Variants in PCDHA5 observed in about 807,000 individuals in gnomAD.
PCDHA5 encodes protocadherin alpha 5, also known as protocadherin alpha-5.
In PCDHA5, 43 loss-of-function variants were observed where a neutral mutation model predicts 61.6. The ratio of observed to expected loss-of-function variants is 0.70; its 90% CI spans 0.55 to 0.90. The LOEUF (loss-of-function observed/expected upper bound fraction) is 0.90, where lower values mean the gene tolerates loss of function less well. Ranked by LOEUF, PCDHA5 falls within the 40% of genes least tolerant of loss-of-function variation. PCDHA5 has a pLI of 0.00. For missense variants in PCDHA5, 1,298 were observed against 1,222.7 expected, an observed-to-expected ratio of 1.06 and a Z score of -0.92; for synonymous variants, 627 against 543.9, an observed-to-expected ratio of 1.15 and a Z score of -2.13.
intron 1 of PCDHA5, among the ~76,000 whole-genome samples, chr5:140,908,393 A>G (rs1295544122): frequency 2.0e-5 from 3 of 152,132 alleles, no homozygotes; most frequent in Non-Finnish European, 4.4e-5. Context: ...CCGATCACAT[A>G]TATACCACTT....
intron 3 of PCDHA5, among the ~76,000 whole-genome samples, chr5:141,007,733 C>A (rs2098343034): frequency 6.6e-6 from 1 of 152,180 alleles, no homozygotes; most frequent in African/African-American, 2.4e-5. Flanking sequence ...CAAAGGTTAA[C>A]CACTGAAGAT....
At chr5:140,914,583 A>C (rs1583912822) in intron 1 of PCDHA5, among the ~76,000 whole-genome samples, 1 of 151,992 alleles carries the variant, frequency 6.6e-6, no homozygotes, top group East Asian at 1.9e-4. Flanking sequence ...CAATAATTTC[A>C]TTTAAGTAGG....
At chr5:140,840,330 G>A (rs1554137772) in intron 1 of PCDHA5, among the ~76,000 whole-genome samples, 1 of 151,878 alleles carries the variant, frequency 6.6e-6, no homozygotes, top group African/African-American at 2.4e-5. Flanking sequence ...TCATTTTCTA[G>A]GCAATGTTAG....
intron 1 of PCDHA5, chr5:140,966,387 C>G: frequency 2.5e-6 from 1 of 405,008 alleles, no homozygotes. Context: ...GGTTCGCTGT[C>G]CGCCACTTCG....
intron 1 of PCDHA5, among the ~76,000 whole-genome samples, chr5:140,946,691 G>C (rs782114019): frequency 6.8e-6 from 1 of 147,578 alleles, no homozygotes; most frequent in Non-Finnish European, 1.5e-5. Flanking sequence ...TGACAATATG[G>C]ATGAATCTGG....
At chr5:140,870,627 G>A (rs782093554) in intron 1 of PCDHA5, 17 of 1,612,908 alleles carry the variant, frequency 1.1e-5, no homozygotes, top group Middle Eastern at 1.7e-4. Flanking sequence ...GCTACGTGTC[G>A]GTGCACGCGG....
intron 1 of PCDHA5, chr5:140,884,195 C>T: frequency 6.2e-7 from 1 of 1,613,394 alleles, no homozygotes; most frequent in Non-Finnish European, 8.5e-7. Flanking sequence ...GGTGGACGCG[C>T]CGCACCACCG....
rs148283153 is a variant in PCDHA5, at chr5:140,857,227, G to A, written c.2352+33100G>A. 3.8e-6 allele frequency: 6 copies of A among 1,598,330 alleles called. No individual in the cohort carries two copies. The African/African-American group carries it at 4.0e-5, about 11-fold the overall frequency. ...CCTGCTCTCTGACGCCTCACGTTCCGTTCAAGCTGGTGTCCACCTACAAGA... is the reference window on the plus strand; with the variant it reads ...CCTGCTCTCTGACGCCTCACGTTCCATTCAAGCTGGTGTCCACCTACAAGA... On this transcript the variant is annotated intron_variant, in intron 1 of 3. Coordinates refer to ENST00000529859, the MANE Select transcript of PCDHA5 (RefSeq NM_018908.3).
At chr5:140,977,141 C>T (rs1264237183) in intron 1 of PCDHA5, among the ~76,000 whole-genome samples, 1 of 152,204 alleles carries the variant, frequency 6.6e-6, no homozygotes, top group Non-Finnish European at 1.5e-5. Flanking sequence ...GTCAGTCCTG[C>T]TGGAACTGTG....
intron 1 of PCDHA5, chr5:140,869,708 G>C: frequency 9.3e-6 from 15 of 1,613,408 alleles, no homozygotes; most frequent in Non-Finnish European, 1.3e-5. Flanking sequence ...TCTCTGGATA[G>C]AGAGAAAACT....
At chr5:140,967,442 G>T in intron 1 of PCDHA5, 1 of 1,613,600 alleles carries the variant, frequency 6.2e-7, no homozygotes, top group Non-Finnish European at 8.5e-7. Context: ...GCACCACCTG[G>T]TTCTCACAGC....
At chr5:140,841,405 C>A (rs2150314710) in intron 1 of PCDHA5, 18 of 1,613,112 alleles carry the variant, frequency 1.1e-5, no homozygotes, top group South Asian at 4.4e-5. Flanking sequence ...AGGTGGGGAG[C>A]GGCCAGCTCC....
intron 1 of PCDHA5, chr5:140,861,416 C>G: frequency 2.1e-6 from 1 of 477,054 alleles, no homozygotes; most frequent in South Asian, 1.6e-5. Flanking sequence ...TGATACCGCG[C>G]CTGTTTCAGT....
At chr5:140,824,220 G>A (rs1768050365) in intron 1 of PCDHA5, 93 bp downstream of exon 1, 7 of 1,561,856 alleles carry the variant, frequency 4.5e-6, no homozygotes, top group Non-Finnish European at 5.3e-6. Context: ...TAAAAATTAT[G>A]TCTTAGTACA....
At position 140,973,488 on chromosome 5, in the gene PCDHA5, G is replaced by A. The variant is rs186493160; in HGVS notation, c.2353-5461G>A. Reference sequence around the variant, plus strand: ...GTTTGCAAATTTCATATTGGTCACAGGACTCTTCTTCTGAGAAAAAGTTTA... The same window carrying A: ...GTTTGCAAATTTCATATTGGTCACAAGACTCTTCTTCTGAGAAAAAGTTTA... On this transcript the variant is annotated intron_variant, in intron 1 of 3. Coordinates refer to ENST00000529859, the MANE Select transcript of PCDHA5 (RefSeq NM_018908.3). Among the ~76,000 whole-genome samples, 7 of 152,228 alleles carry A rather than the reference G, an allele frequency of 4.6e-5. No homozygotes were observed. The East Asian group carries it at 1.3e-3, about 29-fold the overall frequency.
intron 1 of PCDHA5, chr5:140,836,234 T>A: frequency 6.2e-7 from 1 of 1,613,668 alleles, no homozygotes; most frequent in Non-Finnish European, 8.5e-7. Context: ...TGGCGGCCGG[T>A]GCGAGCATCC....
At chr5:140,862,451 C>A (rs1554156361) in intron 1 of PCDHA5, 4 of 365,784 alleles carry the variant, frequency 1.1e-5, no homozygotes, top group African/African-American at 2.1e-5. Flanking sequence ...TCCACAGCGC[C>A]CTGGACCAAG....
At chr5:140,899,403 G>A (rs1458189120) in intron 1 of PCDHA5, among the ~76,000 whole-genome samples, 6 of 152,230 alleles carry the variant, frequency 3.9e-5, no homozygotes, top group Admixed American at 1.3e-4. Context: ...AGCATGAAGG[G>A]TTGTTGAATT....
chr5:140,850,152 G>A (rs1433217072), intron 1 of PCDHA5: 1 of 1,595,430 alleles, frequency 6.3e-7, no homozygotes, highest in Non-Finnish European at 8.6e-7. Flanking sequence ...GACGCTGCAG[G>A]TGTTCGTGCT....
Sources: gnomAD v4.1 joint callset for allele counts (sites outside exome capture counted in the v4.1 genomes callset) on GRCh38, gnomAD v4.1.1 for gene constraint, MANE v1.5 for transcripts, NCBI Gene and HGNC (gene_info 2026-07-23, HGNC 2026-07-21) for gene names.